Variants in TLE4 observed in about 807,000 individuals in gnomAD.
TLE4 encodes the protein transducin-like enhancer protein 4.
A neutral mutation model predicts 92.8 loss-of-function variants in TLE4; 8 were observed. The observed-to-expected ratio is 0.09, with a 90% CI of 0.05 to 0.16. The LOEUF is 0.16. Among genes scored for constraint, TLE4 ranks in the 10% least tolerant of loss-of-function variants. TLE4 has a pLI of 1.00. For missense variants in TLE4, 675 were observed against 997.6 expected, an observed-to-expected ratio of 0.68 and a Z score of 4.36; for synonymous variants, 371 against 374.1, an observed-to-expected ratio of 0.99 and a Z score of 0.10.
intron 9 of TLE4, 90 bp from the exon 10 acceptor site, chr9:79,705,799 A>G: frequency 7.9e-7 from 1 of 1,258,754 alleles, no homozygotes; most frequent in Non-Finnish European, 1.2e-6. Context: ...TCATCTTTAT[A>G]AGATATGAGG....
chr9:79,612,225 A>G (rs1019871086), intron 4 of TLE4, among the ~76,000 whole-genome samples: 19 of 152,132 alleles, frequency 1.2e-4, no homozygotes, highest in African/African-American at 4.6e-4. Flanking sequence ...AAAGGCCACA[A>G]ATATAGAAAT....
intron 5 of TLE4, among the ~76,000 whole-genome samples, chr9:79,613,863 A>C (rs2048913577): frequency 6.6e-6 from 1 of 152,064 alleles, no homozygotes; most frequent in South Asian, 2.1e-4. Context: ...ATAGGTATAT[A>C]CTGGGGAGGG....
At chr9:79,714,315 C>G (rs938578840) in intron 14 of TLE4, among the ~76,000 whole-genome samples, 1 of 152,154 alleles carries the variant, frequency 6.6e-6, no homozygotes, top group African/African-American at 2.4e-5. Context: ...TGGTCCTTCC[C>G]TTTTATAGCA....
chr9:79,720,578 C>T (rs371465422), intron 16 of TLE4, among the ~76,000 whole-genome samples: 6 of 151,974 alleles, frequency 3.9e-5, no homozygotes, highest in African/African-American at 1.2e-4. Context: ...ACTAAAGCAT[C>T]GCCAATTTGT....
intron 5 of TLE4, among the ~76,000 whole-genome samples, chr9:79,622,030 C>T (rs1469010966): frequency 6.6e-6 from 1 of 152,194 alleles, no homozygotes; most frequent in African/African-American, 2.4e-5. Context: ...GAACTGATAG[C>T]ACATAGCTGC....
At chr9:79,631,616 ATGTGTGTGTGTGTGTGTGTG>A (rs57129541) in intron 6 of TLE4, among the ~76,000 whole-genome samples, 28 of 118,160 alleles carry the variant, frequency 2.4e-4, no homozygotes, top group Non-Finnish European at 4.4e-4. Context: ...TGAACCTTAA[ATGTGTGTGTGTGTGTGTGTG>A]TGTGTGTGTG....
chr9:79,653,536 T>C (rs183754301), intron 7 of TLE4, among the ~76,000 whole-genome samples: 223 of 152,322 alleles, frequency 1.5e-3, no homozygotes, highest in Admixed American at 4.3e-3. Flanking sequence ...ATGACAGAAA[T>C]GCAGATGAAA....
intron 6 of TLE4, among the ~76,000 whole-genome samples, chr9:79,636,504 C>T (rs922750312): frequency 2.8e-4 from 43 of 152,264 alleles, no homozygotes; most frequent in Admixed American, 8.5e-4. Context: ...CCCTGGGTCA[C>T]TCCAAGTGTG....
intron 5 of TLE4, among the ~76,000 whole-genome samples, chr9:79,623,798 T>C (rs533430515): frequency 6.0e-4 from 91 of 151,996 alleles, no homozygotes; most frequent in African/African-American, 2.2e-3. Flanking sequence ...AAAATCCCAG[T>C]TAGAGGTCCC....
rs988706933 is a variant in TLE4, at chr9:79,612,640, C to T, written c.253-16C>T. The stretch of plus-strand genomic sequence containing the variant: ...ACTGTTCTCTTTATTGCTTTCCTTT[C>T]CCTTATTTTTTGCAGGCAGAGATTG... On this transcript the variant is annotated splice_polypyrimidine_tract_variant and intron_variant, in intron 4 of 19. Coordinates refer to ENST00000376552, the MANE Select transcript of TLE4 (RefSeq NM_007005.6). 1.2e-6 allele frequency: 2 copies of T among 1,611,092 alleles called. No homozygotes were observed. The highest frequency in any genetic ancestry group is 2.2e-5 in the East Asian group (1 of 44,850).
chr9:79,632,175 C>T (rs1007844347), intron 6 of TLE4, among the ~76,000 whole-genome samples: 1 of 152,104 alleles, frequency 6.6e-6, no homozygotes, highest in East Asian at 1.9e-4. Context: ...TACACAAGCA[C>T]AGCCTGGAAA....
intron 4 of TLE4, among the ~76,000 whole-genome samples, chr9:79,592,183 C>CTCTTCTTCTTCTTCTTCTTCT (rs57278935): frequency 4.4e-5 from 6 of 135,360 alleles, no homozygotes; most frequent in East Asian, 2.1e-4. Flanking sequence ...CTTCCTCTTC[C>CTCTTCTTCTTCTTCTTCTTCT]TCTTCTTCTT....
chr9:79,648,808 T>C (rs748053832), intron 6 of TLE4, among the ~76,000 whole-genome samples: 4 of 152,192 alleles, frequency 2.6e-5, no homozygotes, highest in Non-Finnish European at 5.9e-5. Context: ...CACATTTTCA[T>C]TTCCAGGTAA....
At chr9:79,705,713 A>T (rs1420356798) in intron 9 of TLE4, among the ~76,000 whole-genome samples, 176 bp from the exon 10 acceptor site, 1 of 152,140 alleles carries the variant, frequency 6.6e-6, no homozygotes, top group Non-Finnish European at 1.5e-5. Context: ...AAAATATATT[A>T]CCCACCTCCA....
intron 5 of TLE4, among the ~76,000 whole-genome samples, chr9:79,615,640 C>G (rs2049376782): frequency 1.3e-5 from 2 of 148,708 alleles, no homozygotes; most frequent in Non-Finnish European, 3.0e-5. Context: ...TTTTTTTAAA[C>G]TTAAAAAAAC....
At chr9:79,639,994 G>A (rs1473923125) in intron 6 of TLE4, among the ~76,000 whole-genome samples, 5 of 152,168 alleles carry the variant, frequency 3.3e-5, no homozygotes. Flanking sequence ...ACTCAGGTAT[G>A]GCAGTACAGG....
chr9:79,706,645 A>G, intron 10 of TLE4, 102 bp from the exon 11 acceptor site: 2 of 1,411,638 alleles, frequency 1.4e-6, no homozygotes, highest in East Asian at 2.3e-5. Context: ...TTGTGCTTCT[A>G]AGCATGCATT....
At chr9:79,668,942 A>G (rs1040027500) in intron 8 of TLE4, 12 of 543,574 alleles carry the variant, frequency 2.2e-5, no homozygotes, top group Non-Finnish European at 2.6e-5. Flanking sequence ...TTATCAATGC[A>G]GGTTACTGGA....
chr9:79,675,228 A>G (rs1189433373), intron 8 of TLE4, among the ~76,000 whole-genome samples: 1 of 152,082 alleles, frequency 6.6e-6, no homozygotes, highest in African/African-American at 2.4e-5. Context: ...TGGATTAAGT[A>G]GGGACCACTT....
Sources: allele counts gnomAD v4.1 joint callset (sites outside exome capture counted in the v4.1 genomes callset), GRCh38; gene constraint gnomAD v4.1.1; transcripts MANE v1.5; gene names NCBI Gene and HGNC (gene_info 2026-07-23, HGNC 2026-07-21).